The following EBF1 variants were observed in gnomAD, a reference collection of about 807,000 sequenced individuals.
EBF1 encodes the protein transcription factor COE1.
A neutral mutation model predicts 68.4 loss-of-function variants in EBF1; 10 were observed. The ratio of observed to expected loss-of-function variants is 0.15; its 90% CI spans 0.09 to 0.25. The LOEUF (loss-of-function observed/expected upper bound fraction) is 0.25. Ranked by LOEUF, EBF1 falls within the 10% of genes least tolerant of loss-of-function variation. The pLI is 1.00. For missense variants in EBF1, 509 were observed against 794.4 expected (o/e 0.64, Z 4.32); for synonymous variants, 298 against 299.8 (o/e 0.99, Z 0.06).
intron 6 of EBF1, among the ~76,000 whole-genome samples, chr5:158,946,962 T>C (rs1355592541): frequency 6.6e-6 from 1 of 152,190 alleles, no homozygotes; most frequent in Non-Finnish European, 1.5e-5. Flanking sequence ...TAGCTGGAAC[T>C]TCCCAGTGGC....
chr5:158,709,776 G>A (rs1758757087), intron 14 of EBF1, among the ~76,000 whole-genome samples: 4 of 152,170 alleles, frequency 2.6e-5, no homozygotes, highest in African/African-American at 9.7e-5. Flanking sequence ...TTGTAACTGT[G>A]AAAATACGCT....
chr5:159,069,791 C>A (rs939765603), intron 6 of EBF1, among the ~76,000 whole-genome samples: 2 of 152,090 alleles, frequency 1.3e-5, no homozygotes, highest in Admixed American at 1.3e-4. Context: ...ATGCTAATTA[C>A]TCCTGCAAAA....
rs1045363124 is a variant in EBF1 at position 158,933,795 on chromosome 5, G to C, written c.555-93685C>G. The stretch of plus-strand genomic sequence containing the variant: ...ATATAGGTTTCTTTTTCACTTTAAA[G>C]TAAGCATACAAAAACAAATAAATTA... On this transcript the variant is annotated intron_variant, in intron 6 of 15. Coordinates refer to ENST00000313708, the MANE Select transcript of EBF1 (RefSeq NM_024007.5). 2.6e-5 allele frequency among the ~76,000 whole-genome samples: 4 copies of C among 152,148 alleles called. 1 individual carries two copies. Among genetic ancestry groups the C allele is most frequent in the Admixed American group, 2.6e-4 (4 of 15,276 alleles).
At chr5:158,733,466 A>G (rs1030866058) in intron 10 of EBF1, among the ~76,000 whole-genome samples, 7 of 152,288 alleles carry the variant, frequency 4.6e-5, no homozygotes, top group Non-Finnish European at 7.4e-5. Context: ...TTCTCCGGCT[A>G]TATGGCCAGC....
rs573257632 is a variant in EBF1, at chr5:158,878,176, G to A, written c.555-38066C>T. On this transcript the variant is annotated intron_variant, in intron 6 of 15. Transcript: ENST00000313708. The stretch of plus-strand genomic sequence containing the variant: ...AATAAATCACCTATGACTTTGCAAC[G>A]AACAGCAATGAGAATATTGACCTGC... Among the ~76,000 whole-genome samples, 11 of 152,070 alleles carry A rather than the reference G, an allele frequency of 7.2e-5. 1 individual carries two copies. The East Asian group carries it at 9.7e-4, about 13-fold the overall frequency.
intron 6 of EBF1, among the ~76,000 whole-genome samples, chr5:158,875,941 A>C (rs998681539): frequency 1.3e-5 from 2 of 152,178 alleles, no homozygotes; most frequent in Admixed American, 1.3e-4. Flanking sequence ...TAAATTTATG[A>C]CCCTTTTGGT....
chr5:159,048,462 A>T (rs1256333876), intron 6 of EBF1, among the ~76,000 whole-genome samples: 1 of 152,176 alleles, frequency 6.6e-6, no homozygotes, highest in Non-Finnish European at 1.5e-5. Flanking sequence ...GCACCCTGGG[A>T]CAGCCCTCAA....
intron 6 of EBF1, among the ~76,000 whole-genome samples, chr5:158,902,426 T>G (rs1417961083): frequency 2.0e-5 from 3 of 151,032 alleles, no homozygotes; most frequent in Non-Finnish European, 4.4e-5. Context: ...TTTCTTTTTT[T>G]TTTTTTTCTT....
chr5:158,979,413 C>T (rs1464149485), intron 6 of EBF1, among the ~76,000 whole-genome samples: 3 of 152,144 alleles, frequency 2.0e-5, no homozygotes, highest in Middle Eastern at 3.2e-3. Context: ...CAATTTCCCC[C>T]TGTTGCAGTG....
chr5:158,917,191 C>T (rs1807388006), intron 6 of EBF1, among the ~76,000 whole-genome samples: 1 of 152,106 alleles, frequency 6.6e-6, no homozygotes, highest in African/African-American at 2.4e-5. Flanking sequence ...CCTATTATAC[C>T]TAAATAAAAT....
In EBF1 at chr5:158,868,544, A is replaced by T. The variant is rs1370717073; in HGVS notation, c.555-28434T>A. Among the ~76,000 whole-genome samples, 5 of 152,280 alleles carry T rather than the reference A, an allele frequency of 3.3e-5. No individual in the cohort carries two copies. In the East Asian group the frequency reaches 9.6e-4, roughly 29 times the overall value. On this transcript the variant is annotated intron_variant, in intron 6 of 15. Transcript: ENST00000313708. ...CTTCACGTCCCCTAATACATTAGAG[A>T]GAAGTTCACAGTGAAGAAAGGGCAG...
intron 10 of EBF1, among the ~76,000 whole-genome samples, chr5:158,770,895 C>A (rs1773744739): frequency 6.6e-6 from 1 of 152,096 alleles, no homozygotes; most frequent in Admixed American, 6.6e-5. Flanking sequence ...TTATGAACAC[C>A]CATTTTCCCT....
intron 6 of EBF1, among the ~76,000 whole-genome samples, chr5:158,965,104 A>G (rs980180009): frequency 1.3e-5 from 2 of 152,112 alleles, no homozygotes; most frequent in African/African-American, 4.8e-5. Context: ...GTTGTCACTA[A>G]CTCGTTATGT....
chr5:159,055,650 C>T (rs1774604841), intron 6 of EBF1, among the ~76,000 whole-genome samples: 1 of 152,206 alleles, frequency 6.6e-6, no homozygotes, highest in South Asian at 2.1e-4. Context: ...AATTAACCTA[C>T]ACTAAATCTG....
At chr5:158,919,506 T>C (rs906538121) in intron 6 of EBF1, among the ~76,000 whole-genome samples, 3 of 152,096 alleles carry the variant, frequency 2.0e-5, no homozygotes, top group African/African-American at 7.2e-5. Flanking sequence ...AAAAAGCAGA[T>C]CTCCCTTCAA....
In EBF1 at chr5:159,097,001, C is replaced by T; in HGVS notation, c.264G>A (p.Ala88=). 1 of 1,613,446 alleles carries T rather than the reference C, an allele frequency of 6.2e-7. No homozygotes were observed. The highest frequency in any genetic ancestry group is 8.5e-7 in the Non-Finnish European group (1 of 1,179,808). Residue 88 remains alanine (A), a synonymous_variant, in exon 2 of 16, where the codon GCG becomes GCA. Transcript: ENST00000313708. ...QGQPVEIERT[A]FVGFVEKEKE... is the part of the protein sequence containing the mutation. The stretch of plus-strand genomic sequence containing the variant: ...TTTCCTTCTCCACGAACCCCACAAA[C>T]GCTGTCCTCTCGATCTCCACGGGCT...
chr5:158,956,650 A>G (rs981143649), intron 6 of EBF1, among the ~76,000 whole-genome samples: 1 of 152,202 alleles, frequency 6.6e-6, no homozygotes, highest in Non-Finnish European at 1.5e-5. Flanking sequence ...GAAGTTGAAA[A>G]TATTGAAAAT....
chr5:158,785,540 T>C (rs975003775), intron 9 of EBF1, among the ~76,000 whole-genome samples: 3 of 152,192 alleles, frequency 2.0e-5, no homozygotes, highest in African/African-American at 7.2e-5. Context: ...AAGAATTGCC[T>C]GTCTCAAAAG....
At chr5:159,000,446 C>G (rs1272868593) in intron 6 of EBF1, among the ~76,000 whole-genome samples, 2 of 151,060 alleles carry the variant, frequency 1.3e-5, no homozygotes, top group African/African-American at 4.9e-5. Flanking sequence ...TAGTTATTTT[C>G]TGTTTTGTTT....
Sources: gnomAD v4.1 joint callset for allele counts (sites outside exome capture counted in the v4.1 genomes callset) on GRCh38, gnomAD v4.1.1 for gene constraint, MANE v1.5 for transcripts, NCBI Gene and HGNC (gene_info 2026-07-23, HGNC 2026-07-21) for gene names.